Variants in CFAP43 observed in about 807,000 individuals in gnomAD.
CFAP43 encodes the protein cilia- and flagella-associated protein 43.
CFAP43 carries 155 observed loss-of-function variants against 218.9 expected under a neutral mutation model. The observed-to-expected ratio is 0.71, with a 90% CI of 0.62 to 0.81. The LOEUF is 0.81. Ranked by LOEUF, CFAP43 falls within the 30% of genes least tolerant of loss-of-function variation. The pLI, the probability that CFAP43 is intolerant of heterozygous loss-of-function variation, is 0.00. For missense variants in CFAP43, 1,778 were observed against 1,954.3 expected, an observed-to-expected ratio of 0.91 and a Z score of 1.70; for synonymous variants, 645 against 681.3, an observed-to-expected ratio of 0.95 and a Z score of 0.83.
intron 23 of CFAP43, 128 bp from the exon 24 acceptor site, chr10:104,164,428 C>T (rs1347770483): frequency 2.9e-5 from 20 of 695,336 alleles, no homozygotes; most frequent in East Asian, 2.0e-4. Flanking sequence ...GATGCAGTCT[C>T]GCTTTGTTGT....
rs372289509 is a variant in CFAP43 at position 104,142,353 on chromosome 10, A to G, written c.4199T>C (p.Phe1400Ser). The G allele has an allele frequency of 2.0e-5, 33 of 1,613,394 alleles. No individual in the cohort carries two copies. The highest frequency in any genetic ancestry group is 2.4e-5 in the Non-Finnish European group (28 of 1,179,760). Residue 1400 changes from phenylalanine (F) to serine (S), a missense_variant, in exon 33 of 38, where the codon TTC (phenylalanine) becomes TCC (serine). Physicochemically the swap from Phe to Ser is radical, Grantham distance 155 (BLOSUM62 -2). Around this residue, in one of 3 missense-constraint regions of CFAP43, gnomAD observed 1,553 missense variants for 1,685.2 expected, o/e 0.92. Coordinates refer to ENST00000357060, the MANE Select transcript of CFAP43 (RefSeq NM_025145.7). ...KAADLLEMAT[F>S]LQKRVEEEEK... The stretch of plus-strand genomic sequence containing the variant: ...TTCCTCCTCAACTCTCTTCTGGAGG[A>G]AAGTTGCCATTTCCAATAAGTCAGC...
intron 18 of CFAP43, 59 bp from the exon 19 acceptor site, chr10:104,179,165 G>C (rs1417504484): frequency 1.5e-5 from 21 of 1,360,576 alleles, no homozygotes; most frequent in South Asian, 2.5e-5. Context: ...CAGAGAGAGA[G>C]AGAGAGAGAG....
intron 16 of CFAP43, 110 bp downstream of exon 16, chr10:104,184,906 C>T (rs2089980930): frequency 1.4e-6 from 2 of 1,478,466 alleles, no homozygotes; most frequent in African/African-American, 1.4e-5. Flanking sequence ...ACTTTCTTTG[C>T]ACTGGCAGTG....
At chr10:104,196,189 A>T (rs1160041794) in intron 10 of CFAP43, among the ~76,000 whole-genome samples, 1 of 152,184 alleles carries the variant, frequency 6.6e-6, no homozygotes, top group Admixed American at 6.5e-5. Flanking sequence ...AGACAGAAAG[A>T]CAAGGTCCTT....
intron 3 of CFAP43, among the ~76,000 whole-genome samples, chr10:104,220,209 C>T (rs2091138998): frequency 6.6e-6 from 1 of 152,126 alleles, no homozygotes; most frequent in African/African-American, 2.4e-5. Flanking sequence ...TGGTGAGAGG[C>T]GCGGGGGCAG....
In CFAP43 at chr10:104,214,414, C is replaced by A. The variant is rs753974188; in HGVS notation, c.429G>T (p.Ser143=). The A allele has an allele frequency of 5.1e-6, 8 of 1,583,790 alleles. No homozygotes were observed. In the African/African-American group the frequency reaches 9.5e-5, roughly 19 times the overall value. ...GTGATTTCTTACACAAAATGATACTCGATTCCCAGTTCCTTAGAGAAAAAT... is the reference window on the plus strand; with the variant it reads ...GTGATTTCTTACACAAAATGATACTAGATTCCCAGTTCCTTAGAGAAAAAT... ...EFELALWNWE[S]SIILCKKSQP... is the part of the protein sequence containing the mutation. Residue 143 remains serine (S), a synonymous_variant, in exon 4 of 38, where the codon TCG becomes TCT. Coordinates refer to ENST00000357060, the MANE Select transcript of CFAP43 (RefSeq NM_025145.7).
chr10:104,136,165 C>T (rs946351285), intron 34 of CFAP43, among the ~76,000 whole-genome samples: 3 of 145,262 alleles, frequency 2.1e-5, no homozygotes, highest in African/African-American at 2.5e-5. Flanking sequence ...GCAGGAGAAT[C>T]GCTTGAATCC....
intron 5 of CFAP43, among the ~76,000 whole-genome samples, 178 bp from the exon 6 acceptor site, chr10:104,208,002 A>G (rs1045374637): frequency 6.6e-6 from 1 of 152,198 alleles, no homozygotes; most frequent in African/African-American, 2.4e-5. Flanking sequence ...ACTTTAATTT[A>G]TTATTTGTAC....
intron 8 of CFAP43, among the ~76,000 whole-genome samples, chr10:104,201,618 C>T (rs542004938): frequency 6.6e-6 from 1 of 152,082 alleles, no homozygotes; most frequent in Non-Finnish European, 1.5e-5. Context: ...CTCTGCCCCC[C>T]CCAACTTATA....
At chr10:104,208,593 G>C (rs2090764564) in intron 5 of CFAP43, among the ~76,000 whole-genome samples, 1 of 152,178 alleles carries the variant, frequency 6.6e-6, no homozygotes, top group Non-Finnish European at 1.5e-5. Context: ...AAGGGTACCA[G>C]TAGTGTTTAG....
intron 3 of CFAP43, among the ~76,000 whole-genome samples, chr10:104,220,635 T>C (rs1187154002): frequency 1.3e-5 from 2 of 152,200 alleles, no homozygotes; most frequent in Non-Finnish European, 2.9e-5. Flanking sequence ...TCTCATATCA[T>C]GCTGGGAAGC....
rs770126385 is a variant in CFAP43, at chr10:104,145,554, C to T, written c.3866G>A (p.Arg1289His). The T allele has an allele frequency of 2.1e-5, 34 of 1,599,940 alleles. No homozygotes were observed. In the South Asian group the frequency reaches 2.8e-4, roughly 13 times the overall value. ...NLLAEDKVMD[R>H]SFKKEFSEIP... ...TTCAGAAAATTCCTTTTTAAAGCTGCGATCCATAACCTAAGGACAAACATG... is the reference window on the plus strand; with the variant it reads ...TTCAGAAAATTCCTTTTTAAAGCTGTGATCCATAACCTAAGGACAAACATG... The change falls in exon 31 of 38, where the codon CGC (arginine) becomes CAC (histidine). Residue 1289 changes from arginine (R) to histidine (H), a missense_variant. Coordinates refer to ENST00000357060, the MANE Select transcript of CFAP43 (RefSeq NM_025145.7).
chr10:104,161,763 C>T (rs2088886765), intron 26 of CFAP43, among the ~76,000 whole-genome samples, 198 bp downstream of exon 26: 2 of 152,134 alleles, frequency 1.3e-5, no homozygotes, highest in African/African-American at 4.8e-5. Context: ...CACTTAGCCT[C>T]CTCAAGTGCT....
intron 6 of CFAP43, among the ~76,000 whole-genome samples, chr10:104,207,417 T>C (rs61861334): frequency 0.12 from 17,555 of 152,182 alleles, 1,373 homozygotes; most frequent in Non-Finnish European, 0.17. Context: ...TTACGTGGAC[T>C]GGGCCATGTT....
intron 11 of CFAP43, 128 bp from the exon 12 acceptor site, chr10:104,192,430 T>C: frequency 1.4e-6 from 1 of 695,532 alleles, no homozygotes. Context: ...TTTTTAATAT[T>C]CTCTGACCTT....
At chr10:104,215,628 C>T (rs1448436541) in intron 3 of CFAP43, among the ~76,000 whole-genome samples, 1 of 152,196 alleles carries the variant, frequency 6.6e-6, no homozygotes, top group Non-Finnish European at 1.5e-5. Context: ...CCACCAGACC[C>T]TCAATAGGAT....
intron 7 of CFAP43, among the ~76,000 whole-genome samples, chr10:104,204,852 A>C (rs963226834): frequency 6.6e-6 from 1 of 152,244 alleles, no homozygotes; most frequent in Non-Finnish European, 1.5e-5. Flanking sequence ...AGTTACAACT[A>C]GACCTATGTT....
At chr10:104,148,088 T>C (rs1274615678) in intron 28 of CFAP43, 90 bp from the exon 29 acceptor site, 5 of 630,570 alleles carry the variant, frequency 7.9e-6, no homozygotes, top group Non-Finnish European at 1.2e-5. Flanking sequence ...AGCAAGTTTA[T>C]GACATACACA....
At chr10:104,185,522 T>G (rs1053220651) in intron 15 of CFAP43, among the ~76,000 whole-genome samples, 4 of 152,038 alleles carry the variant, frequency 2.6e-5, no homozygotes, top group Non-Finnish European at 4.4e-5. Flanking sequence ...GGAGGTTCTA[T>G]TTATGTGTGA....
Sources: allele counts gnomAD v4.1 joint callset (sites outside exome capture counted in the v4.1 genomes callset), GRCh38; gene constraint gnomAD v4.1.1; regional missense constraint gnomAD v4.1.1; transcripts MANE v1.5; gene names NCBI Gene and HGNC (gene_info 2026-07-23, HGNC 2026-07-21).